MOK: variants seen among roughly 807,000 people sequenced by gnomAD.
MOK encodes the protein MOK protein kinase, also known as MAPK/MAK/MRK overlapping kinase.
A neutral mutation model predicts 54.2 loss-of-function variants in MOK; 59 were observed. The ratio of observed to expected loss-of-function variants is 1.09; its 90% confidence interval spans 0.88 to 1.35. The LOEUF (loss-of-function observed/expected upper bound fraction) is 1.35. Among genes scored for constraint, MOK ranks in the 40% most tolerant of loss-of-function variants. The pLI is 0.00. For synonymous variants in MOK, 210 were observed against 202.7 expected (o/e 1.04, Z -0.31); for missense variants, 517 against 526.2 (o/e 0.98, Z 0.17).
downstream of MOK, chr14:102,225,720 A>G (rs1051063095): frequency 6.3e-6 from 1 of 158,322 alleles, no homozygotes; most frequent in African/African-American, 2.4e-5. Context: ...ACTGCTCTGT[A>G]GCCAAGTGGG....
rs750050891 is a variant in MOK, at chr14:102,230,445, C to T, written c.982-788G>A. On this transcript the variant is annotated intron_variant, in intron 10 of 11. Coordinates refer to ENST00000361847, the MANE Select transcript of MOK (RefSeq NM_014226.3). This position sits in a 1 kb window ranked among gnomAD's most constrained non-coding sequence, Gnocchi z 4.1. The stretch of plus-strand genomic sequence containing the variant: ...CCCCAGTTCTACTGGAACGCAGCCC[C>T]TATGTGGTTCATGTGTTGCCTCCAG... 2 of 152,242 alleles carry T rather than the reference C, an allele frequency of 1.3e-5. No homozygotes were observed. Among genetic ancestry groups the T allele is most frequent in the African/African-American group, 4.8e-5 (2 of 41,450 alleles). The allele number at this position is 152,242 out of a possible 1,614,324, so 9.4% of individuals were successfully genotyped here.
At chr14:102,241,329 C>A (rs1376580589) in intron 7 of MOK, among the ~76,000 whole-genome samples, 1 of 152,164 alleles carries the variant, frequency 6.6e-6, no homozygotes, top group Non-Finnish European at 1.5e-5. Flanking sequence ...CACTCCCCCA[C>A]CCTATAATCC....
chr14:102,284,896 A>G (rs2069856983), intron 1 of MOK, among the ~76,000 whole-genome samples: 1 of 152,102 alleles, frequency 6.6e-6, no homozygotes, highest in South Asian at 2.1e-4. Context: ...AGCCTGGCCA[A>G]CATGCCAAAA....
the MOK span, among the ~76,000 whole-genome samples, chr14:102,218,656 T>G: frequency 6.6e-6 from 1 of 151,930 alleles, no homozygotes; most frequent in Non-Finnish European, 1.5e-5. Context: ...TTTTTATCAC[T>G]TAATTTTGAA....
the MOK span, among the ~76,000 whole-genome samples, chr14:102,215,625 C>G: frequency 6.6e-6 from 1 of 152,116 alleles, no homozygotes; most frequent in Non-Finnish European, 1.5e-5. Context: ...TCCCCTTGCC[C>G]CCAGGTAGGC....
Position 102,229,153 on chromosome 14 carries a change from A to T in MOK, c.*136T>A, listed in dbSNP as rs950650533. ...CGGGTGCGGCAGGGCGCAGGGCAGC[A>T]CCCAGAGCCCCGGCCAGCGCGAAAC... is the stretch of plus-strand genomic sequence containing the variant. On this transcript the variant is annotated 3_prime_UTR_variant, in exon 12 of 12. Transcript: ENST00000361847. The T allele has an allele frequency of 1.1e-6, 1 of 936,632 alleles. No individual in the cohort carries two copies. The highest frequency in any genetic ancestry group is 1.6e-6 in the Non-Finnish European group (1 of 638,012). The allele number at this position is 936,632 out of a possible 1,614,324, so 58.0% of individuals were successfully genotyped here. A position where few individuals can be genotyped will look rare whatever the true frequency, so the allele number is the denominator to read the frequency against.
the MOK span, among the ~76,000 whole-genome samples, chr14:102,215,622 G>GC: frequency 6.6e-6 from 1 of 152,074 alleles, no homozygotes; most frequent in Non-Finnish European, 1.5e-5. Context: ...CCCTCCCCTT[G>GC]CCCCCAGGTA....
chr14:102,239,426 G>C (rs543959815), intron 7 of MOK, among the ~76,000 whole-genome samples: 2 of 152,166 alleles, frequency 1.3e-5, no homozygotes, highest in East Asian at 3.9e-4. Flanking sequence ...TTACAAAACA[G>C]GCCTCCTTCT....
In MOK at chr14:102,229,552, A is replaced by G; in HGVS notation, c.1087T>C (p.Tyr363His). 6.2e-7 allele frequency: 1 copy of G among 1,614,180 alleles called. No individual in the cohort carries two copies. The highest frequency in any genetic ancestry group is 1.6e-4 in the Middle Eastern group (1 of 6,062). ...KLSGVVRLSS[Y>H]SSPTLQSVLG... ...ACGGACTGCAGCGTGGGGCTGGAGT[A>G]AGACGACAGTCTGACCACTCCCGAA... is the stretch of plus-strand genomic sequence containing the variant. The change falls in exon 11 of 12, where the codon TAC becomes CAC. Residue 363 changes from tyrosine (Y) to histidine (H), a missense_variant. By Grantham distance (83) the Tyr-to-His change is moderately conservative (BLOSUM62 2). Coordinates refer to ENST00000361847, the MANE Select transcript of MOK (RefSeq NM_014226.3).
Position 102,268,725 on chromosome 14 carries a change from C to A in MOK, c.123-2813G>T, listed in dbSNP as rs547787008. ...GGTCAGGAGATCGAGACCATCCTGG[C>A]TAACACAGTGAAACCCCGTCTCTAC... On this transcript the variant is annotated intron_variant, in intron 2 of 11. Transcript: ENST00000361847. Among the ~76,000 whole-genome samples the A allele has an allele frequency of 7.9e-5, 12 of 152,176 alleles. No individual in the cohort carries two copies. In the East Asian group the frequency reaches 2.3e-3, roughly 29 times the overall value.
intron 1 of MOK, among the ~76,000 whole-genome samples, chr14:102,303,718 A>G (rs2072485605): frequency 6.6e-6 from 1 of 152,210 alleles, no homozygotes; most frequent in African/African-American, 2.4e-5. Flanking sequence ...AGAAGTGGTG[A>G]ATTATTAGTA....
In MOK at chr14:102,229,090, ATAT is replaced by A. The variant is rs2064392445; in HGVS notation, c.*196_*198del. 5.4e-6 allele frequency: 3 copies of A among 552,346 alleles called. No homozygotes were observed. In the East Asian group the frequency reaches 9.0e-5, roughly 17 times the overall value. The allele number at this position is 552,346 out of a possible 1,614,324, so 34.2% of individuals were successfully genotyped here. A position where few individuals can be genotyped will look rare whatever the true frequency, so the allele number is the denominator to read the frequency against. On this transcript the variant is annotated 3_prime_UTR_variant, in exon 12 of 12. Coordinates refer to ENST00000361847, the MANE Select transcript of MOK (RefSeq NM_014226.3). Reference sequence around the variant, plus strand: ...CCTAGAATGCGGTGGTTTTACAAGTATATTAGCCCAGAACATCCTAGGCAGCTG... The same window carrying A: ...CCTAGAATGCGGTGGTTTTACAAGTATAGCCCAGAACATCCTAGGCAGCTG...
chr14:102,271,276 TC>T (rs2068332484), intron 2 of MOK, among the ~76,000 whole-genome samples: 3 of 152,328 alleles, frequency 2.0e-5, no homozygotes, highest in Admixed American at 2.0e-4. Context: ...CTGGTTTTTT[TC>T]TTTAATATTC....
the MOK span, chr14:102,215,045 T>C: frequency 4.2e-6 from 4 of 959,036 alleles, no homozygotes; most frequent in Non-Finnish European, 5.0e-6. Flanking sequence ...ATCTAAGCTT[T>C]AAAAATCCCA....
intron 1 of MOK, among the ~76,000 whole-genome samples, chr14:102,284,931 A>C (rs2069861401): frequency 1.3e-5 from 2 of 151,988 alleles, no homozygotes; most frequent in African/African-American, 4.8e-5. Context: ...AAAATACAAA[A>C]AATTAGCCAG....
Position 102,294,356 on chromosome 14 carries a change from A to G in MOK, c.7+10606T>C, listed in dbSNP as rs371266918. Among the ~76,000 whole-genome samples, 103 of 151,512 alleles carry G rather than the reference A, an allele frequency of 6.8e-4. 1 individual carries two copies. Among genetic ancestry groups the G allele is most frequent in the African/African-American group, 1.7e-3 (70 of 41,040 alleles). On this transcript the variant is annotated intron_variant, in intron 1 of 11. Transcript: ENST00000361847. ...AGCTACTCGGGAGGCTGAGGCAGGA[A>G]AATGGCATGAACCCGGGAGGCGGAG...
chr14:102,288,081 G>A lies in MOK; in HGVS notation c.8-4489C>T, dbSNP rs538932284. On this transcript the variant is annotated intron_variant, in intron 1 of 11. Coordinates refer to ENST00000361847, the MANE Select transcript of MOK (RefSeq NM_014226.3). ...GATCTCCTGACCTCATGATCCACCC[G>A]CCTCGGCCTCCCAAAGTGCTGGGAT... 1.7e-3 allele frequency among the ~76,000 whole-genome samples: 259 copies of A among 151,958 alleles called. 2 individuals carry two copies. Among genetic ancestry groups the A allele is most frequent in the Middle Eastern group, 0.01 (3 of 294 alleles).
chr14:102,303,905 T>C (rs2072502939), intron 1 of MOK, among the ~76,000 whole-genome samples: 1 of 152,198 alleles, frequency 6.6e-6, no homozygotes, highest in South Asian at 2.1e-4. Context: ...CTGAAAATTT[T>C]CAAAACAAAC....
At chr14:102,237,018 T>C (rs920192360) in intron 7 of MOK, among the ~76,000 whole-genome samples, 5 of 152,108 alleles carry the variant, frequency 3.3e-5, no homozygotes, top group African/African-American at 1.2e-4. Context: ...TACACTGCTA[T>C]TGACCTAAAA....
Sources: allele counts gnomAD v4.1 joint callset (sites outside exome capture counted in the v4.1 genomes callset), GRCh38; gene constraint gnomAD v4.1.1; non-coding constraint Gnocchi (gnomAD v3.1); transcripts MANE v1.5; gene names NCBI Gene and HGNC (gene_info 2026-07-23, HGNC 2026-07-21).